The following NRIP1 variants were observed in gnomAD, a reference collection of about 807,000 sequenced individuals.
NRIP1 encodes nuclear receptor interacting protein 1, also known as nuclear receptor-interacting protein 1.
Under a neutral mutation model 75.0 loss-of-function variants are expected in NRIP1, and 28 were observed. The observed-to-expected ratio is 0.37, with a 90% CI of 0.28 to 0.51. The LOEUF (loss-of-function observed/expected upper bound fraction) is 0.51, where lower values mean the gene tolerates loss of function less well. NRIP1 is among the 20% of genes least tolerant of loss of function. The pLI is 0.92. For synonymous variants in NRIP1, 526 were observed against 487.6 expected, an observed-to-expected ratio of 1.08 and a Z score of -1.04; for missense variants, 1,435 against 1,343.7, an observed-to-expected ratio of 1.07 and a Z score of -1.06.
intron 1 of NRIP1, among the ~76,000 whole-genome samples, chr21:15,055,579 T>C (rs2089288188): frequency 1.3e-5 from 2 of 152,204 alleles, no homozygotes; most frequent in African/African-American, 4.8e-5. Flanking sequence ...CAAGACCCAG[T>C]TCTTATTATT....
chr21:14,988,149 C>T (rs1437384649), intron 3 of NRIP1: 2 of 152,102 alleles, frequency 1.3e-5, no homozygotes, highest in Non-Finnish European at 2.9e-5. Flanking sequence ...TAGTGGGTCA[C>T]TTTGGTGGAT....
In NRIP1 at chr21:15,055,229, T is replaced by C. The variant is rs562289839; in HGVS notation, c.-538+9516A>G. Among the ~76,000 whole-genome samples, 12 of 152,318 alleles carry C rather than the reference T, an allele frequency of 7.9e-5. No individual in the cohort carries two copies. The South Asian group carries it at 2.3e-3, about 29-fold the overall frequency. On this transcript the variant is annotated intron_variant, in intron 1 of 3. Coordinates refer to ENST00000318948, the MANE Select transcript of NRIP1 (RefSeq NM_003489.4). ...AGTTGAACCAACAGACCCAACCACC[T>C]ACATTAATGGTGTTGGAATACTACT...
chr21:14,993,438 T>C (rs1600844582), intron 3 of NRIP1, among the ~76,000 whole-genome samples: 1 of 152,160 alleles, frequency 6.6e-6, no homozygotes, highest in South Asian at 2.1e-4. Flanking sequence ...TATTCATATC[T>C]AAAAGATACC....
chr21:14,967,268 G>T lies in NRIP1; in HGVS notation c.925C>A (p.Gln309Lys), dbSNP rs1347781431. The T allele has an allele frequency of 1.2e-6, 2 of 1,613,740 alleles. No homozygotes were observed. Among genetic ancestry groups the T allele is most frequent in the Non-Finnish European group, 1.7e-6 (2 of 1,179,950 alleles). ...AGCTGGTAACTGCCAACATCCTTCT[G>T]GCCATTTTCTTGCAATCTGGCCATA... Reference protein sequence around the residue: ...AAMARLQENGQKDVGSYQLPK... With the variant: ...AAMARLQENGKKDVGSYQLPK... Residue 309 changes from glutamine to lysine, a missense_variant, in exon 4 of 4, where the codon CAG becomes AAG. Physicochemically the swap from Gln to Lys is moderately conservative, Grantham distance 53. Coordinates refer to ENST00000318948, the MANE Select transcript of NRIP1 (RefSeq NM_003489.4).
intron 3 of NRIP1, among the ~76,000 whole-genome samples, chr21:15,013,484 C>G (rs1343767746): frequency 6.6e-6 from 1 of 152,172 alleles, no homozygotes; most frequent in Non-Finnish European, 1.5e-5. Flanking sequence ...TCTGCTCTCT[C>G]TCTTTGACCA....
chr21:14,981,757 T>A (rs1410007442), intron 3 of NRIP1, among the ~76,000 whole-genome samples: 1 of 152,156 alleles, frequency 6.6e-6, no homozygotes, highest in East Asian at 1.9e-4. Context: ...AAATCTCTCA[T>A]CATTTTTCTG....
chr21:15,049,530 G>C (rs774125079), intron 1 of NRIP1, among the ~76,000 whole-genome samples: 90 of 152,140 alleles, frequency 5.9e-4, no homozygotes, highest in Admixed American at 1.0e-3. Flanking sequence ...GAAGTTACTG[G>C]AGAAAAGAGA....
At position 14,996,020 on chromosome 21, in the gene NRIP1, T is replaced by A. The variant is rs2087713760; in HGVS notation, c.-335+18324A>T. ...TTAGTCCTTTGCTCATTCATTACGC[T>A]CCAGCCAGGCGATGTCCAACAGAAA... On this transcript the variant is annotated intron_variant, in intron 3 of 3. Transcript: ENST00000318948. 2.0e-5 allele frequency among the ~76,000 whole-genome samples: 3 copies of A among 152,212 alleles called. No individual in the cohort carries two copies. The South Asian group carries it at 6.2e-4, about 32-fold the overall frequency.
chr21:14,970,263 T>G (rs1350304752), intron 3 of NRIP1, among the ~76,000 whole-genome samples: 1 of 152,132 alleles, frequency 6.6e-6, no homozygotes, highest in East Asian at 1.9e-4. Flanking sequence ...AAACTTAATA[T>G]GGCCAGGTAC....
Position 14,967,890 on chromosome 21 carries a change from C to T in NRIP1, c.303G>A (p.Leu101=). The change falls in exon 4 of 4, where the codon CTG becomes CTA. Residue 101 remains leucine (L), a synonymous_variant. Coordinates refer to ENST00000318948, the MANE Select transcript of NRIP1 (RefSeq NM_003489.4). ...CGTTTAAATTCATGATAGAATCAGA[C>T]AGCCTCTTCCGCTTTGCTGCATTCC... is the stretch of plus-strand genomic sequence containing the variant. ...EDWNAAKRKR[L]SDSIMNLNVK... The T allele has an allele frequency of 6.2e-7, 1 of 1,614,118 alleles. No individual in the cohort carries two copies. The highest frequency in any genetic ancestry group is 8.5e-7 in the Non-Finnish European group (1 of 1,180,022).
intron 2 of NRIP1, among the ~76,000 whole-genome samples, chr21:15,034,457 T>G (rs1163077022): frequency 3.9e-5 from 6 of 152,226 alleles, no homozygotes; most frequent in Non-Finnish European, 7.3e-5. Context: ...CAAGTCCATG[T>G]GGGAGTTTAC....
At chr21:14,987,650 G>A (rs1026952133) in intron 3 of NRIP1, among the ~76,000 whole-genome samples, 1 of 152,098 alleles carries the variant, frequency 6.6e-6, no homozygotes, top group African/African-American at 2.4e-5. Context: ...AAAACCTCCT[G>A]GGAGCTCTTG....
At chr21:15,028,540 G>A (rs1431719264) in intron 2 of NRIP1, among the ~76,000 whole-genome samples, 1 of 152,094 alleles carries the variant, frequency 6.6e-6, no homozygotes, top group Non-Finnish European at 1.5e-5. Context: ...TTTTTTACAA[G>A]GTTTGGGGCT....
chr21:14,999,716 C>T (rs2087809033), intron 3 of NRIP1, among the ~76,000 whole-genome samples: 2 of 152,242 alleles, frequency 1.3e-5, no homozygotes, highest in South Asian at 4.1e-4. Context: ...TCAAGAACTC[C>T]AGTCCAAGCC....
intron 1 of NRIP1, among the ~76,000 whole-genome samples, chr21:15,056,160 G>A (rs2089301494): frequency 6.6e-6 from 1 of 152,010 alleles, no homozygotes; most frequent in Admixed American, 6.6e-5. Context: ...AGGACAAGGT[G>A]CCTCTAAGAT....
At chr21:15,027,557 A>C (rs1254010070) in intron 2 of NRIP1, among the ~76,000 whole-genome samples, 1 of 152,208 alleles carries the variant, frequency 6.6e-6, no homozygotes, top group Non-Finnish European at 1.5e-5. Context: ...TGGCAGATAA[A>C]AACTTATAGC....
chr21:15,014,932 A>G (rs1306555428), intron 2 of NRIP1, among the ~76,000 whole-genome samples: 1 of 152,128 alleles, frequency 6.6e-6, no homozygotes, highest in East Asian at 1.9e-4. Context: ...AATAAATATC[A>G]AATGCCCTAT....
In NRIP1 at chr21:15,037,229, T is replaced by G. The variant is rs1348031186; in HGVS notation, c.-458+6266A>C. Among the ~76,000 whole-genome samples the G allele has an allele frequency of 2.0e-5, 3 of 152,168 alleles. No homozygotes were observed. The South Asian group carries it at 6.2e-4, about 32-fold the overall frequency. Reference sequence around the variant, plus strand: ...ATATCACACTTTGCAACCTGTAAATTTCTAACACACATGATATCATTTCAA... The same window carrying G: ...ATATCACACTTTGCAACCTGTAAATGTCTAACACACATGATATCATTTCAA... On this transcript the variant is annotated intron_variant, in intron 2 of 3. Coordinates refer to ENST00000318948, the MANE Select transcript of NRIP1 (RefSeq NM_003489.4).
chr21:14,991,452 T>TC (rs2087569009), intron 3 of NRIP1: 1 of 152,038 alleles, frequency 6.6e-6, no homozygotes, highest in African/African-American at 2.4e-5. Context: ...TACCTCCTTA[T>TC]TTTAAAGGCC....
Sources: gnomAD v4.1 joint callset for allele counts (sites outside exome capture counted in the v4.1 genomes callset) on GRCh38, gnomAD v4.1.1 for gene constraint, MANE v1.5 for transcripts, NCBI Gene and HGNC (gene_info 2026-07-23, HGNC 2026-07-21) for gene names.